Variants in EFHC2 observed in about 807,000 individuals in gnomAD.
EFHC2 encodes EF-hand domain-containing family member C2.
In EFHC2, 18 loss-of-function variants were observed where a neutral mutation model predicts 52.7. The observed-to-expected ratio is 0.34, with a 90% confidence interval of 0.24 to 0.51. EFHC2 has a LOEUF of 0.51. EFHC2 is among the 20% of genes least tolerant of loss of function. The pLI, the probability that EFHC2 is intolerant of heterozygous loss-of-function variation, is 0.97. For synonymous variants in EFHC2, 203 were observed against 204.1 expected, an observed-to-expected ratio of 0.99 and a Z score of 0.04; for missense variants, 513 against 562.5, an observed-to-expected ratio of 0.91 and a Z score of 0.89.
intron 2 of EFHC2, among the ~76,000 whole-genome samples, chrX:44,292,162 A>G (rs2037796978): frequency 1.8e-5 from 2 of 111,614 alleles, no homozygotes; most frequent in African/African-American, 6.5e-5. Flanking sequence ...ATATATATAC[A>G]TATATGATTG....
intron 13 of EFHC2, among the ~76,000 whole-genome samples, chrX:44,166,338 AAG>A (rs1274417517): frequency 6.3e-5 from 7 of 111,304 alleles, no homozygotes; most frequent in Non-Finnish European, 9.4e-5. Flanking sequence ...GAGAGGGAAA[AAG>A]AGAGTATTCA....
chrX:44,308,504 C>A (rs968316650), intron 2 of EFHC2, among the ~76,000 whole-genome samples: 34 of 111,122 alleles, frequency 3.1e-4, no homozygotes, highest in African/African-American at 1.1e-3. Flanking sequence ...TAAAATGGAA[C>A]GGCTTCTCAC....
intron 2 of EFHC2, chrX:44,284,953 T>C (rs1468176407): frequency 1.8e-5 from 2 of 112,071 alleles, no homozygotes; most frequent in African/African-American, 6.5e-5. Context: ...TCATATTCTC[T>C]GAAGAGAAGC....
In EFHC2 at chrX:44,312,714, A is replaced by G. The variant is rs890691090; in HGVS notation, c.85T>C (p.Cys29Arg). 7.5e-6 allele frequency: 9 copies of G among 1,205,706 alleles called. No homozygotes were observed. The Middle Eastern group carries it at 1.2e-3, about 154-fold the overall frequency. Residue 29 changes from cysteine (C) to arginine (R), a missense_variant, in exon 2 of 15, where the codon TGC (cysteine) becomes CGC (arginine). Coordinates refer to ENST00000420999, the MANE Select transcript of EFHC2 (RefSeq NM_025184.4). Reference protein sequence around the residue: ...KFHKSQHWGFCNNVMMLVSDE... With the variant: ...KFHKSQHWGFRNNVMMLVSDE... ...CTCACCAACATCATAACATTGTTGCAAAAGCCCCAATGTTGGGATTTGTGA... is the reference window on the plus strand; with the variant it reads ...CTCACCAACATCATAACATTGTTGCGAAAGCCCCAATGTTGGGATTTGTGA...
At chrX:44,283,273 C>T (rs1034129894) in intron 2 of EFHC2, among the ~76,000 whole-genome samples, 2 of 111,715 alleles carry the variant, frequency 1.8e-5, no homozygotes, top group Non-Finnish European at 3.8e-5. Flanking sequence ...AGCTCTGCCT[C>T]CCAGGTTCAC....
intron 14 of EFHC2, among the ~76,000 whole-genome samples, chrX:44,151,005 A>T: frequency 9.0e-6 from 1 of 110,525 alleles, no homozygotes; most frequent in Non-Finnish European, 1.9e-5. Context: ...CACAGGGGGA[A>T]CACCAGGTGA....
intron 13 of EFHC2, among the ~76,000 whole-genome samples, chrX:44,167,324 A>G (rs2036703651): frequency 8.9e-6 from 1 of 111,975 alleles, no homozygotes; most frequent in Non-Finnish European, 1.9e-5. Context: ...CTGAGTCCCT[A>G]TGCCTGAATT....
chrX:44,265,582 AT>A (rs1345821567), intron 3 of EFHC2, among the ~76,000 whole-genome samples: 2 of 111,770 alleles, frequency 1.8e-5, no homozygotes, highest in Non-Finnish European at 3.8e-5. Context: ...CTCTATTTTA[AT>A]TTAAGTATGT....
chrX:44,294,540 A>G (rs1402385477), intron 2 of EFHC2, among the ~76,000 whole-genome samples: 1 of 110,864 alleles, frequency 9.0e-6, no homozygotes, highest in Non-Finnish European at 1.9e-5. Context: ...AAAGTATGTT[A>G]TTTATTTCCC....
rs3747352 is a variant in EFHC2 at position 44,149,225 on chromosome X, G to A, written c.2149-329C>T. 7.6e-4 allele frequency among the ~76,000 whole-genome samples: 85 copies of A among 112,070 alleles called. 2 individuals are homozygous for A. The East Asian group carries it at 0.019, about 25-fold the overall frequency. ...ACATATCATGGACAGAGGCTCTAGC[G>A]TGCTGGCATCATTTGGCTTGGCCTT... is the stretch of plus-strand genomic sequence containing the variant. On this transcript the variant is annotated intron_variant, in intron 14 of 14. Transcript: ENST00000420999.
intron 13 of EFHC2, among the ~76,000 whole-genome samples, chrX:44,171,137 T>G (rs1394463020): frequency 8.9e-6 from 1 of 111,756 alleles, no homozygotes; most frequent in Non-Finnish European, 1.9e-5. Context: ...GGTTCCTTTC[T>G]AGATAATACG....
At chrX:44,288,432 A>C (rs1225570074) in intron 2 of EFHC2, among the ~76,000 whole-genome samples, 2 of 110,555 alleles carry the variant, frequency 1.8e-5, no homozygotes, top group Non-Finnish European at 3.8e-5. Context: ...AAAAAAACAC[A>C]CAAAGAGGGA....
rs1263031080 is a variant in EFHC2, at chrX:44,149,043, T to C, written c.2149-147A>G. On this transcript the variant is annotated intron_variant, in intron 14 of 14. Coordinates refer to ENST00000420999, the MANE Select transcript of EFHC2 (RefSeq NM_025184.4). ...TTTGTGGTCTACTGGATACTTGTTC[T>C]TGATTCTTCATTCCCTCCCTGTATA... The C allele has an allele frequency of 6.4e-6, 3 of 469,082 alleles. No homozygotes were observed. In the East Asian group the frequency reaches 1.2e-4, roughly 18 times the overall value. The allele number at this position is 469,082 out of a possible 1,213,427, so 38.7% of individuals were successfully genotyped here. A position where few individuals can be genotyped will look rare whatever the true frequency, so the allele number is the denominator to read the frequency against.
intron 4 of EFHC2, among the ~76,000 whole-genome samples, chrX:44,251,838 T>C (rs1335423042): frequency 1.8e-5 from 2 of 108,721 alleles, no homozygotes; most frequent in Non-Finnish European, 3.8e-5. Context: ...AAAAATATTC[T>C]ACATCTCGAT....
chrX:44,282,363 G>A (rs2037708817), intron 2 of EFHC2, among the ~76,000 whole-genome samples: 1 of 104,044 alleles, frequency 9.6e-6, no homozygotes, highest in South Asian at 4.8e-4. Context: ...CAGCACTTTG[G>A]GAGGCCGAGG....
At chrX:44,149,664 T>C (rs924601339) in intron 14 of EFHC2, among the ~76,000 whole-genome samples, 1 of 111,253 alleles carries the variant, frequency 9.0e-6, no homozygotes, top group Admixed American at 9.5e-5. Context: ...TACAGGCACA[T>C]GCCACCATGC....
intron 8 of EFHC2, among the ~76,000 whole-genome samples, chrX:44,240,758 C>G (rs984247040): frequency 1.8e-5 from 2 of 110,984 alleles, no homozygotes; most frequent in South Asian, 7.7e-4. Flanking sequence ...ATGTTGGGCC[C>G]CTTCCCCAGA....
intron 11 of EFHC2, among the ~76,000 whole-genome samples, chrX:44,195,313 A>G (rs187973572): frequency 8.9e-6 from 1 of 111,895 alleles, no homozygotes; most frequent in Non-Finnish European, 1.9e-5. Context: ...TTGAAGGAGA[A>G]TGACAGACAT....
chrX:44,207,511 T>TAAA lies in EFHC2; in HGVS notation c.1751+22135_1751+22137dup, dbSNP rs765899710. Among the ~76,000 whole-genome samples the TAAA allele has an allele frequency of 9.8e-4, 92 of 94,249 alleles. 1 individual carries two copies. The highest frequency in any genetic ancestry group is 3.5e-3 in the African/African-American group (89 of 25,711). The allele number at this position is 94,249 out of a possible 115,157, so 81.8% of individuals were successfully genotyped here. On this transcript the variant is annotated intron_variant, in intron 11 of 14. Transcript: ENST00000420999. The stretch of plus-strand genomic sequence containing the variant: ...GGGTGACAGAGTGAGACTCCGTCTC[T>TAAA]AAAAAAAAAAAAAAGAAAGGCTTAA...
Sources: gnomAD v4.1 joint callset for allele counts (sites outside exome capture counted in the v4.1 genomes callset) on GRCh38, gnomAD v4.1.1 for gene constraint, MANE v1.5 for transcripts, NCBI Gene and HGNC (gene_info 2026-07-23, HGNC 2026-07-21) for gene names.